EPHA6: variants seen among roughly 807,000 people sequenced by gnomAD.
EPHA6 encodes ephrin type-A receptor 6.
In EPHA6, 50 loss-of-function variants were observed where a neutral mutation model predicts 112.0. The ratio of observed to expected loss-of-function variants is 0.45; its 90% confidence interval spans 0.36 to 0.56. The LOEUF is 0.56. EPHA6 is among the 20% of genes least tolerant of loss of function. The probability of loss-of-function intolerance (pLI) is 0.00; values close to 1 mark genes in which losing one functional copy is unlikely to be tolerated. For missense variants in EPHA6, 1,280 were observed against 1,417.4 expected (o/e 0.90, Z 1.56); for synonymous variants, 529 against 490.7 (o/e 1.08, Z -1.03).
chr3:97,710,009 T>C (rs534653266), intron 14 of EPHA6, among the ~76,000 whole-genome samples: 239 of 152,370 alleles, frequency 1.6e-3, no homozygotes, highest in Non-Finnish European at 2.5e-3. Flanking sequence ...AACAGACTAA[T>C]ACAGAAAATA....
At chr3:97,006,129 C>A (rs950810923) in intron 3 of EPHA6, among the ~76,000 whole-genome samples, 2 of 152,182 alleles carry the variant, frequency 1.3e-5, no homozygotes, top group South Asian at 2.1e-4. Flanking sequence ...ATGTTGGCTT[C>A]ATAAAATGAG....
At chr3:97,255,606 A>G (rs539274030) in intron 5 of EPHA6, among the ~76,000 whole-genome samples, 3 of 152,332 alleles carry the variant, frequency 2.0e-5, no homozygotes, top group African/African-American at 7.2e-5. Context: ...CTTTTATATG[A>G]CTAAGCTGAA....
At chr3:97,449,657 C>A (rs891374418) in intron 7 of EPHA6, among the ~76,000 whole-genome samples, 2 of 151,782 alleles carry the variant, frequency 1.3e-5, no homozygotes, top group Admixed American at 1.3e-4. Flanking sequence ...AAAATAGAAA[C>A]CTAAAGGAGT....
chr3:96,962,290 A>G (rs2041973183), intron 2 of EPHA6, among the ~76,000 whole-genome samples: 1 of 152,030 alleles, frequency 6.6e-6, no homozygotes, highest in Non-Finnish European at 1.5e-5. Context: ...AGAGCATTGA[A>G]TGCCATTCAA....
intron 5 of EPHA6, among the ~76,000 whole-genome samples, chr3:97,303,448 A>G (rs1200939191): frequency 6.6e-6 from 1 of 150,704 alleles, no homozygotes; most frequent in Non-Finnish European, 1.5e-5. Flanking sequence ...ACCGAGCAAG[A>G]GAGAGAGAGA....
chr3:97,299,233 G>A (rs1285062562), intron 5 of EPHA6, among the ~76,000 whole-genome samples: 1 of 151,484 alleles, frequency 6.6e-6, no homozygotes, highest in Non-Finnish European at 1.5e-5. Context: ...GTGTGTGTGT[G>A]TGTGTAGTGG....
chr3:97,386,833 A>G (rs901638580), intron 5 of EPHA6, among the ~76,000 whole-genome samples: 1 of 152,186 alleles, frequency 6.6e-6, no homozygotes, highest in Non-Finnish European at 1.5e-5. Flanking sequence ...CTGGACATCC[A>G]GGTGTTTCCA....
chr3:97,115,894 A>G (rs2047873981), intron 3 of EPHA6, among the ~76,000 whole-genome samples: 1 of 151,844 alleles, frequency 6.6e-6, no homozygotes, highest in Non-Finnish European at 1.5e-5. Context: ...GCACTTTTAA[A>G]CAAAATCACC....
At chr3:97,527,711 G>A (rs2092640402) in intron 10 of EPHA6, among the ~76,000 whole-genome samples, 1 of 152,096 alleles carries the variant, frequency 6.6e-6, no homozygotes, top group Non-Finnish European at 1.5e-5. Flanking sequence ...CCATGTGTAT[G>A]GGATGCAGTT....
At chr3:97,674,154 G>A (rs1164645980) in intron 14 of EPHA6, among the ~76,000 whole-genome samples, 1 of 152,122 alleles carries the variant, frequency 6.6e-6, no homozygotes, top group Non-Finnish European at 1.5e-5. Flanking sequence ...CTATGTGAAT[G>A]GTTATGGAAA....
intron 6 of EPHA6, chr3:97,439,599 G>A (rs1406569914): frequency 1.2e-5 from 12 of 1,005,354 alleles, no homozygotes; most frequent in Non-Finnish European, 1.3e-5. Context: ...TCACAATGGA[G>A]AATCCAAGGC....
chr3:96,857,356 C>T (rs952852978), intron 1 of EPHA6, among the ~76,000 whole-genome samples: 3 of 152,130 alleles, frequency 2.0e-5, no homozygotes, highest in African/African-American at 7.2e-5. Flanking sequence ...AAGCTTCCAT[C>T]TGTCATTCTT....
chr3:96,980,772 G>A (rs186061134), intron 2 of EPHA6, among the ~76,000 whole-genome samples: 1 of 151,976 alleles, frequency 6.6e-6, no homozygotes, highest in Non-Finnish European at 1.5e-5. Flanking sequence ...TCACATCCCT[G>A]GTAAGTTGGA....
intron 5 of EPHA6, among the ~76,000 whole-genome samples, chr3:97,246,071 A>G (rs542353701): frequency 1.3e-5 from 2 of 152,096 alleles, no homozygotes; most frequent in Non-Finnish European, 2.9e-5. Flanking sequence ...GGTTATTCAA[A>G]ATAGAATTCC....
chr3:97,485,428 C>G (rs1200984355), intron 10 of EPHA6, among the ~76,000 whole-genome samples: 2 of 152,142 alleles, frequency 1.3e-5, no homozygotes, highest in African/African-American at 4.8e-5. Context: ...ATCCTGTTTC[C>G]CGGGTACACA....
In EPHA6 at chr3:97,032,010, T is replaced by C. The variant is rs555614681; in HGVS notation, c.1114+44017T>C. Among the ~76,000 whole-genome samples the C allele has an allele frequency of 9.9e-4, 150 of 152,182 alleles. 1 individual carries two copies. Among genetic ancestry groups the C allele is most frequent in the African/African-American group, 2.7e-3 (111 of 41,546 alleles). On this transcript the variant is annotated intron_variant, in intron 3 of 17. Coordinates refer to ENST00000389672, the MANE Select transcript of EPHA6 (RefSeq NM_001080448.3). ...GACACATGCACACGTATGTTTATTGTGGCACTATTCACAATAGCAAAGACT... is the reference window on the plus strand; with the variant it reads ...GACACATGCACACGTATGTTTATTGCGGCACTATTCACAATAGCAAAGACT...
chr3:97,646,959 G>A (rs1292839743), intron 14 of EPHA6, among the ~76,000 whole-genome samples: 2 of 152,094 alleles, frequency 1.3e-5, no homozygotes, highest in Non-Finnish European at 2.9e-5. Flanking sequence ...TACTTCAGGG[G>A]CCACATGACA....
At chr3:96,966,637 C>T (rs1256955456) in intron 2 of EPHA6, among the ~76,000 whole-genome samples, 2 of 151,970 alleles carry the variant, frequency 1.3e-5, no homozygotes. Flanking sequence ...TTTATTATCA[C>T]AATTATAGGA....
chr3:97,323,141 A>G (rs747969395), intron 5 of EPHA6, among the ~76,000 whole-genome samples: 13 of 151,992 alleles, frequency 8.6e-5, no homozygotes, highest in Non-Finnish European at 1.5e-4. Flanking sequence ...TAATCATGCT[A>G]CTGAGAATGT....
Sources: gnomAD v4.1 joint callset for allele counts (sites outside exome capture counted in the v4.1 genomes callset) on GRCh38, gnomAD v4.1.1 for gene constraint, MANE v1.5 for transcripts, NCBI Gene and HGNC (gene_info 2026-07-23, HGNC 2026-07-21) for gene names.